Variants in TLR2 observed in about 807,000 individuals in gnomAD.
TLR2 encodes the protein toll like receptor 2.
In TLR2, 7 loss-of-function variants were observed where a neutral mutation model predicts 9.1. The ratio of observed to expected loss-of-function variants is 0.77; its 90% CI spans 0.44 to 1.44. The LOEUF (loss-of-function observed/expected upper bound fraction) is 1.44, where lower values mean the gene tolerates loss of function less well. Ranked by LOEUF, TLR2 falls within the 40% of genes most tolerant of loss-of-function variation. The pLI, the probability that TLR2 is intolerant of heterozygous loss-of-function variation, is 0.01. For missense variants in TLR2, 812 were observed against 904.6 expected (o/e 0.90, Z 1.31); for synonymous variants, 317 against 344.6 (o/e 0.92, Z 0.89).
intron 2 of TLR2, among the ~76,000 whole-genome samples, chr4:153,694,084 C>G (rs984632910): frequency 6.6e-6 from 1 of 152,136 alleles, no homozygotes; most frequent in South Asian, 2.1e-4. Flanking sequence ...GACAGCAAGC[C>G]GGTGATAAGC....
Position 153,704,625 on chromosome 4 carries a change from A to G in TLR2, c.1718A>G (p.Gln573Arg), listed in dbSNP as rs778145239. ...LCDSPSHVRG[Q>R]QVQDVRLSVS... Reference sequence around the variant, plus strand: ...GACTCTCCATCCCATGTGCGTGGCCAGCAGGTTCAGGATGTCCGCCTCTCG... The same window carrying G: ...GACTCTCCATCCCATGTGCGTGGCCGGCAGGTTCAGGATGTCCGCCTCTCG... Residue 573 changes from glutamine (Q) to arginine (R), a missense_variant, in exon 3 of 3, where the codon CAG becomes CGG. Physicochemically the swap from Gln to Arg is conservative, Grantham distance 43. Coordinates refer to ENST00000642700, the MANE Select transcript of TLR2 (RefSeq NM_001318789.2). 116 of 1,612,958 alleles carry G rather than the reference A, an allele frequency of 7.2e-5. No homozygotes were observed. The highest frequency in any genetic ancestry group is 9.5e-5 in the Non-Finnish European group (112 of 1,179,906).
chr4:153,701,745 A>G (rs1054857316), intron 2 of TLR2: 1 of 150,730 alleles, frequency 6.6e-6, no homozygotes, highest in Non-Finnish European at 1.5e-5. Context: ...TCCAGAATAA[A>G]TATGCATGGT....
chr4:153,709,845 C>G (rs1014645984), downstream of TLR2, among the ~76,000 whole-genome samples: 1 of 152,210 alleles, frequency 6.6e-6, no homozygotes, highest in East Asian at 1.9e-4. Context: ...AGGTGTGGCA[C>G]CTGCTGCCAG....
intron 1 of TLR2, among the ~76,000 whole-genome samples, chr4:153,684,849 T>C (rs539729536): frequency 6.6e-6 from 1 of 152,158 alleles, no homozygotes; most frequent in Non-Finnish European, 1.5e-5. Flanking sequence ...CCCGCTTCCC[T>C]CACGGCCTGG....
rs772757499 is a variant in TLR2, at chr4:153,703,852, G to A, written c.945G>A (p.Arg315=). The change falls in exon 3 of 3, where the codon CGG becomes CGA. Residue 315 remains arginine, a synonymous_variant. Coordinates refer to ENST00000642700, the MANE Select transcript of TLR2 (RefSeq NM_001318789.2). ...DPGKVETLTI[R]RLHIPRFYLF... ...GTAAAGTGGAAACGTTAACAATCCGGAGGCTGCATATTCCAAGGTTTTACT... is the reference window on the plus strand; with the variant it reads ...GTAAAGTGGAAACGTTAACAATCCGAAGGCTGCATATTCCAAGGTTTTACT... 4 of 1,613,930 alleles carry A rather than the reference G, an allele frequency of 2.5e-6. No homozygotes were observed. The African/African-American group carries it at 4.0e-5, about 16-fold the overall frequency.
intron 1 of TLR2, 69 bp from the exon 2 acceptor site, chr4:153,687,833 C>T (rs1735820969): frequency 6.6e-6 from 1 of 152,192 alleles, no homozygotes; most frequent in Non-Finnish European, 1.5e-5. Flanking sequence ...TTTTGTGAAT[C>T]TGAGTGCTGC....
chr4:153,701,297 T>C (rs1039990207), intron 2 of TLR2, among the ~76,000 whole-genome samples: 1 of 152,154 alleles, frequency 6.6e-6, no homozygotes, highest in Non-Finnish European at 1.5e-5. Context: ...ATAAAAGGCC[T>C]TGAGATGGAA....
chr4:153,701,141 A>G (rs912656983), intron 2 of TLR2, among the ~76,000 whole-genome samples: 1 of 152,246 alleles, frequency 6.6e-6, no homozygotes, highest in Non-Finnish European at 1.5e-5. Context: ...TATAGTTTGA[A>G]TAGCAGTGTC....
rs1239604698 is a variant in TLR2, at chr4:153,705,031, G to A, written c.2124G>A (p.Val708=). ...TCTTTGTGCTTTCTGAAAACTTTGT[G>A]AAGAGTGAGTGGTGCAAGTATGAAC... ...KTVFVLSENF[V]KSEWCKYELD... Residue 708 remains valine, a synonymous_variant, in exon 3 of 3, where the codon GTG becomes GTA. Transcript: ENST00000642700. 14 of 1,613,956 alleles carry A rather than the reference G, an allele frequency of 8.7e-6. No individual in the cohort carries two copies. The highest frequency in any genetic ancestry group is 1.0e-5 in the Non-Finnish European group (12 of 1,180,036).
Position 153,684,301 on chromosome 4 carries a change from G to A in TLR2, c.-222G>A, listed in dbSNP as rs1056849693. ...GGGCAGGCCGGCTCGGAGGCAGCGA[G>A]AAAGCGCAGCCAGGCGGCTGCTCGG... On this transcript the variant is annotated 5_prime_UTR_variant, in exon 1 of 3. Coordinates refer to ENST00000642700, the MANE Select transcript of TLR2 (RefSeq NM_001318789.2). 1.3e-4 allele frequency: 20 copies of A among 152,386 alleles called. No individual in the cohort carries two copies. Among genetic ancestry groups the A allele is most frequent in the African/African-American group, 4.3e-4 (18 of 41,474 alleles). The allele number at this position is 152,386 out of a possible 1,614,324, so 9.4% of individuals were successfully genotyped here.
chr4:153,700,417 T>C (rs1736804542), intron 2 of TLR2, among the ~76,000 whole-genome samples: 1 of 152,206 alleles, frequency 6.6e-6, no homozygotes, highest in Non-Finnish European at 1.5e-5. Flanking sequence ...ACTATTGTGA[T>C]AAGTTAAAGA....
At chr4:153,696,077 C>T (rs1219330913) in intron 2 of TLR2, among the ~76,000 whole-genome samples, 1 of 152,086 alleles carries the variant, frequency 6.6e-6, no homozygotes, top group East Asian at 1.9e-4. Flanking sequence ...GTTACTATAG[C>T]TCTGTAGTAT....
chr4:153,710,060 C>G (rs57359150), downstream of TLR2: 12,062 of 201,054 alleles, frequency 0.06, 901 homozygotes, highest in East Asian at 0.24. Context: ...TTGCAAACCT[C>G]TGAAACACTT....
At chr4:153,710,169 A>C (rs974563000), downstream of TLR2, 1 of 464,234 alleles carries the variant, frequency 2.2e-6, no homozygotes, top group African/African-American at 1.9e-5. Flanking sequence ...GTAATGGGAA[A>C]GATGAAAAAA....
At chr4:153,684,933 A>C (rs919846668) in intron 1 of TLR2, among the ~76,000 whole-genome samples, 2 of 150,820 alleles carry the variant, frequency 1.3e-5, no homozygotes, top group African/African-American at 5.0e-5. Context: ...GATGACAAAG[A>C]TTGGGTAAAG....
In TLR2 at chr4:153,703,304, G is replaced by C. The variant is rs1194383005; in HGVS notation, c.397G>C (p.Gly133Arg). The C allele has an allele frequency of 6.2e-7, 1 of 1,612,184 alleles. No homozygotes were observed. Among genetic ancestry groups the C allele is most frequent in the Admixed American group, 1.7e-5 (1 of 59,622 alleles). ...TTCTTTAACATTCTTAAACTTACTG[G>C]GAAATCCTTACAAAACCCTAGGGGA... ...LSSLTFLNLL[G>R]NPYKTLGETS... is the part of the protein sequence containing the mutation. Residue 133 changes from glycine to arginine, a missense_variant, in exon 3 of 3, where the codon GGA becomes CGA. Transcript: ENST00000642700.
chr4:153,708,007 A>G (rs927591167), downstream of TLR2, among the ~76,000 whole-genome samples: 22 of 152,240 alleles, frequency 1.4e-4, no homozygotes, highest in Non-Finnish European at 3.1e-4. Context: ...AATCCAATCA[A>G]GTTGACACCT....
At chr4:153,693,033 T>G (rs1736229249) in intron 2 of TLR2, among the ~76,000 whole-genome samples, 1 of 152,234 alleles carries the variant, frequency 6.6e-6, no homozygotes, top group Non-Finnish European at 1.5e-5. Flanking sequence ...TGCTTCCAAA[T>G]CTTCCTGTTC....
chr4:153,699,125 A>C (rs192937125), intron 2 of TLR2, among the ~76,000 whole-genome samples: 1 of 152,164 alleles, frequency 6.6e-6, no homozygotes, highest in African/African-American at 2.4e-5. Context: ...TTAGATAAAT[A>C]CTACTATTGC....
Sources: allele counts gnomAD v4.1 joint callset (sites outside exome capture counted in the v4.1 genomes callset), GRCh38; gene constraint gnomAD v4.1.1; transcripts MANE v1.5; gene names NCBI Gene and HGNC (gene_info 2026-07-23, HGNC 2026-07-21).